The following PBX1 variants were observed in gnomAD, a reference collection of about 807,000 sequenced individuals.
The protein encoded by PBX1 is PBX homeobox 1.
In PBX1, 6 loss-of-function variants were observed where a neutral mutation model predicts 53.4. That is an observed-to-expected ratio of 0.11 (90% CI 0.06 to 0.22). PBX1 has a LOEUF of 0.22. PBX1 is among the 10% of genes least tolerant of loss of function. PBX1 has a pLI of 1.00. For synonymous variants in PBX1, 204 were observed against 212.3 expected, an observed-to-expected ratio of 0.96 and a Z score of 0.34; for missense variants, 251 against 551.4, an observed-to-expected ratio of 0.46 and a Z score of 5.46.
At chr1:164,645,486 A>T (rs1211565767) in intron 2 of PBX1, among the ~76,000 whole-genome samples, 1 of 151,840 alleles carries the variant, frequency 6.6e-6, no homozygotes, top group Non-Finnish European at 1.5e-5. Context: ...AGGGAATCTG[A>T]ACAAACTCCA....
intron 2 of PBX1, among the ~76,000 whole-genome samples, chr1:164,734,708 A>T (rs755493568): frequency 2.6e-5 from 4 of 152,202 alleles, no homozygotes; most frequent in Non-Finnish European, 5.9e-5. Context: ...ATTGTTTGAT[A>T]TATTGAACAG....
intron 2 of PBX1, among the ~76,000 whole-genome samples, chr1:164,733,179 G>C (rs149947617): frequency 7.8e-4 from 119 of 152,252 alleles, no homozygotes; most frequent in African/African-American, 2.6e-3. Flanking sequence ...CTTCAGACTG[G>C]CTCTGCATGG....
At chr1:164,600,730 T>C (rs1365561924) in intron 2 of PBX1, among the ~76,000 whole-genome samples, 2 of 152,180 alleles carry the variant, frequency 1.3e-5, no homozygotes, top group African/African-American at 4.8e-5. Context: ...TGTGGGCCTG[T>C]TAGTTTATTT....
chr1:164,833,218 A>G (rs755067625), intron 8 of PBX1, among the ~76,000 whole-genome samples: 2 of 152,150 alleles, frequency 1.3e-5, no homozygotes, highest in Non-Finnish European at 2.9e-5. Context: ...ACAAAAAAAA[A>G]CAAAACCTGA....
rs71583414 is a variant in PBX1 at position 164,603,929 on chromosome 1, A to ATTTTTTTTTTTTTTT, written c.265+40637_265+40651dup. ...GACACTCTGTACATTATGTCATTTCATTTTTTTTTTTTTTTTTTTTTTTTT... is the reference window on the plus strand; with the variant it reads ...GACACTCTGTACATTATGTCATTTCATTTTTTTTTTTTTTTTTTTTTTTTTTTTTTTTTTTTTTTT... On this transcript the variant is annotated intron_variant, in intron 2 of 8. Coordinates refer to ENST00000420696, the MANE Select transcript of PBX1 (RefSeq NM_002585.4). Among the ~76,000 whole-genome samples, 77 of 75,756 alleles carry ATTTTTTTTTTTTTTT rather than the reference A, an allele frequency of 1.0e-3. 18 individuals are homozygous for ATTTTTTTTTTTTTTT. Among genetic ancestry groups the ATTTTTTTTTTTTTTT allele is most frequent in the South Asian group, 2.1e-3 (4 of 1,924 alleles). The allele number at this position is 75,756 out of a possible 152,430, so 49.7% of individuals were successfully genotyped here. A position where few individuals can be genotyped will look rare whatever the true frequency, so the allele number is the denominator to read the frequency against.
chr1:164,721,114 G>T (rs568890743), intron 2 of PBX1, among the ~76,000 whole-genome samples: 1 of 152,200 alleles, frequency 6.6e-6, no homozygotes, highest in Non-Finnish European at 1.5e-5. Flanking sequence ...CTAATCCTGC[G>T]AGTCTGTAAG....
At chr1:164,606,709 T>G (rs1656584839) in intron 2 of PBX1, among the ~76,000 whole-genome samples, 3 of 152,236 alleles carry the variant, frequency 2.0e-5, no homozygotes, top group Non-Finnish European at 2.9e-5. Context: ...CCTTAGCAAC[T>G]AGAACAGTCC....
intron 2 of PBX1, chr1:164,657,129 C>T (rs1660215649): frequency 6.6e-6 from 1 of 152,108 alleles, no homozygotes; most frequent in Non-Finnish European, 1.5e-5. Flanking sequence ...AAGATAAGAA[C>T]ACATGTAGAG....
chr1:164,802,043 G>A (rs1261387110), intron 4 of PBX1, among the ~76,000 whole-genome samples: 1 of 152,148 alleles, frequency 6.6e-6, no homozygotes, highest in Non-Finnish European at 1.5e-5. Context: ...GATGGGCAGG[G>A]CCTCACCAAA....
chr1:164,799,919 C>G, intron 4 of PBX1, 30 bp downstream of exon 4: 2 of 1,576,518 alleles, frequency 1.3e-6, no homozygotes, highest in Non-Finnish European at 1.7e-6. Flanking sequence ...GTCCTGCCCT[C>G]TCTGGGAGTC....
intron 2 of PBX1, among the ~76,000 whole-genome samples, chr1:164,789,582 T>C (rs1242612367): frequency 6.6e-6 from 1 of 152,182 alleles, no homozygotes; most frequent in African/African-American, 2.4e-5. Flanking sequence ...TGATGTCAGC[T>C]CAAGTAGGCA....
intron 2 of PBX1, among the ~76,000 whole-genome samples, chr1:164,630,765 A>G (rs1001475789): frequency 6.6e-6 from 1 of 152,198 alleles, no homozygotes; most frequent in African/African-American, 2.4e-5. Flanking sequence ...CATTGCCCCT[A>G]CCAGGTACTT....
chr1:164,759,258 A>G (rs1666684752), intron 2 of PBX1, among the ~76,000 whole-genome samples: 1 of 152,218 alleles, frequency 6.6e-6, no homozygotes, highest in Admixed American at 6.5e-5. Flanking sequence ...ATATACAGGC[A>G]ACGATTAGGA....
At position 164,652,067 on chromosome 1, in the gene PBX1, CT is replaced by C. The variant is rs916304076; in HGVS notation, c.265+88768del. 1.4e-3 allele frequency: 206 copies of C among 142,824 alleles called. 2 individuals are homozygous for C. The highest frequency in any genetic ancestry group is 3.6e-3 in the Middle Eastern group (1 of 274). The allele number at this position is 142,824 out of a possible 1,614,324, so 8.8% of individuals were successfully genotyped here. A position where few individuals can be genotyped will look rare whatever the true frequency, so the allele number is the denominator to read the frequency against. ...AAATGGTAGAAAGAGGAAATCATCACTTTTTTTTTTTTGGAGAGGGAGTCTC... is the reference window on the plus strand; with the variant it reads ...AAATGGTAGAAAGAGGAAATCATCACTTTTTTTTTTTGGAGAGGGAGTCTC... On this transcript the variant is annotated intron_variant, in intron 2 of 8. Transcript: ENST00000420696.
At chr1:164,759,182 G>A (rs910329804) in intron 2 of PBX1, among the ~76,000 whole-genome samples, 2 of 152,216 alleles carry the variant, frequency 1.3e-5, no homozygotes, top group Non-Finnish European at 2.9e-5. Flanking sequence ...TTAAAGGATA[G>A]TGTCGGTTCT....
chr1:164,723,312 G>T (rs961672546), intron 2 of PBX1, among the ~76,000 whole-genome samples: 1 of 152,096 alleles, frequency 6.6e-6, no homozygotes, highest in African/African-American at 2.4e-5. Context: ...AGTTTCTTGG[G>T]CTAACTCTTT....
chr1:164,596,963 C>T (rs1444087457), intron 2 of PBX1, among the ~76,000 whole-genome samples: 3 of 152,188 alleles, frequency 2.0e-5, no homozygotes, highest in Non-Finnish European at 4.4e-5. Context: ...AGTGGTACAG[C>T]GTGGATATGA....
chr1:164,642,953 T>C (rs551935931), intron 2 of PBX1: 1 of 152,172 alleles, frequency 6.6e-6, no homozygotes, highest in Non-Finnish European at 1.5e-5. Context: ...AGCAACTGAT[T>C]GATGGATTAT....
intron 2 of PBX1, among the ~76,000 whole-genome samples, chr1:164,614,295 C>G (rs749508929): frequency 6.6e-6 from 1 of 152,038 alleles, no homozygotes; most frequent in East Asian, 1.9e-4. Context: ...GTGACTATAC[C>G]GAGGACACAG....
Sources: allele counts gnomAD v4.1 joint callset (sites outside exome capture counted in the v4.1 genomes callset), GRCh38; gene constraint gnomAD v4.1.1; transcripts MANE v1.5; gene names NCBI Gene and HGNC (gene_info 2026-07-23, HGNC 2026-07-21).